UIMC1: variants seen among roughly 807,000 people sequenced by gnomAD.
The protein encoded by UIMC1 is ubiquitin interaction motif containing 1.
In UIMC1, 42 loss-of-function variants were observed where a neutral mutation model predicts 84.9. The observed-to-expected ratio is 0.49, with a 90% CI of 0.39 to 0.64. The LOEUF is 0.64. Among genes scored for constraint, UIMC1 ranks in the 30% least tolerant of loss-of-function variants. The pLI is 0.00. For missense variants in UIMC1, 825 were observed against 847.6 expected, an observed-to-expected ratio of 0.97 and a Z score of 0.33; for synonymous variants, 281 against 293.0, an observed-to-expected ratio of 0.96 and a Z score of 0.42.
chr5:176,918,507 A>C (rs1293423645), intron 10 of UIMC1, among the ~76,000 whole-genome samples: 1 of 152,212 alleles, frequency 6.6e-6, no homozygotes, highest in Non-Finnish European at 1.5e-5. Flanking sequence ...GGGAGAAGTA[A>C]GCAAACAATG....
intron 13 of UIMC1, 96 bp from the exon 14 acceptor site, chr5:176,906,143 T>G: frequency 1.7e-6 from 2 of 1,177,786 alleles, no homozygotes; most frequent in Non-Finnish European, 1.2e-6. Context: ...AGGCACTGCT[T>G]CTCATCAGGC....
chr5:176,975,437 T>G lies in UIMC1; in HGVS notation c.191A>C (p.Gln64Pro). 1 of 1,614,106 alleles carries G rather than the reference T, an allele frequency of 6.2e-7. No individual in the cohort carries two copies. Among genetic ancestry groups the G allele is most frequent in the Non-Finnish European group, 8.5e-7 (1 of 1,180,002 alleles). ...GGCCAAACACTTTGCTCTATTCGACTGTTTTGTCTTCGTTTTCTGCAACCC... is the reference window on the plus strand; with the variant it reads ...GGCCAAACACTTTGCTCTATTCGACGGTTTTGTCTTCGTTTTCTGCAACCC... Reference protein sequence around the residue: ...ENGLQKTKTKQSNRAKCLAKR... With the variant: ...ENGLQKTKTKPSNRAKCLAKR... The change falls in exon 3 of 15, where the codon CAG (glutamine) becomes CCG (proline). Residue 64 changes from glutamine to proline, a missense_variant. Transcript: ENST00000511320.
At chr5:176,906,111 T>G (rs1759331644) in intron 13 of UIMC1, 64 bp from the exon 14 acceptor site, 3 of 1,531,462 alleles carry the variant, frequency 2.0e-6, no homozygotes, top group Non-Finnish European at 2.7e-6. Context: ...CACTTCTCAC[T>G]GATCTTTTGC....
intron 6 of UIMC1, among the ~76,000 whole-genome samples, chr5:176,962,054 G>A (rs1416305042): frequency 8.2e-5 from 2 of 24,282 alleles, no homozygotes; most frequent in Admixed American, 2.4e-4. Flanking sequence ...GCCTCTGCCC[G>A]GCCGCCCCTA....
In UIMC1 at chr5:176,993,845, T is replaced by C. The variant is rs144671769; in HGVS notation, c.-8-11222A>G. Among the ~76,000 whole-genome samples, 1,423 of 151,666 alleles carry C rather than the reference T, an allele frequency of 9.4e-3. 29 individuals carry two copies. The highest frequency in any genetic ancestry group is 0.033 in the African/African-American group (1,362 of 41,358). On this transcript the variant is annotated intron_variant, in intron 1 of 14. Transcript: ENST00000511320. The stretch of plus-strand genomic sequence containing the variant: ...CAACATGGTGAAACCCCGTCTCTAC[T>C]AAAAATACAAAAATTAGCTGGGAAT...
intron 10 of UIMC1, among the ~76,000 whole-genome samples, chr5:176,914,269 T>C (rs1203160616): frequency 6.6e-6 from 1 of 152,186 alleles, no homozygotes; most frequent in Non-Finnish European, 1.5e-5. Context: ...CTGATGTTAT[T>C]AGCTCTCCTT....
At chr5:176,907,243 C>T (rs1262086546) in intron 12 of UIMC1, 66 bp from the exon 13 acceptor site, 5 of 1,442,800 alleles carry the variant, frequency 3.5e-6, no homozygotes, top group Non-Finnish European at 4.8e-6. Context: ...ACTTCCACAG[C>T]CCAGATCACA....
At chr5:176,947,322 T>C (rs1490870591) in intron 9 of UIMC1, among the ~76,000 whole-genome samples, 1 of 152,148 alleles carries the variant, frequency 6.6e-6, no homozygotes, top group Non-Finnish European at 1.5e-5. Flanking sequence ...CAGTCAGGGA[T>C]TTCTTTGCAG....
chr5:176,997,890 TG>T (rs1429117972), intron 1 of UIMC1, among the ~76,000 whole-genome samples: 3 of 152,248 alleles, frequency 2.0e-5, no homozygotes, highest in African/African-American at 7.2e-5. Context: ...TTCTTATGAA[TG>T]GAAGATTCCC....
At chr5:176,961,958 C>CT (rs1767527232) in intron 6 of UIMC1, among the ~76,000 whole-genome samples, 3 of 62,132 alleles carry the variant, frequency 4.8e-5, no homozygotes, top group Admixed American at 1.2e-4. Flanking sequence ...GTCGGCCCCC[C>CT]GCCCGGCCAG....
intron 1 of UIMC1, among the ~76,000 whole-genome samples, chr5:176,996,348 C>A (rs1277927352): frequency 6.6e-6 from 1 of 152,104 alleles, no homozygotes; most frequent in African/African-American, 2.4e-5. Flanking sequence ...TGTTCTCTAT[C>A]TTGATTGTGG....
Position 176,997,436 on chromosome 5 carries a change from G to A in UIMC1, c.-9+9214C>T, listed in dbSNP as rs944645011. ...CACGGTGGCTCACACCTGTAATCCC[G>A]CACTCTGGGAGGCCGAGGCAGGCGG... On this transcript the variant is annotated intron_variant, in intron 1 of 14. Transcript: ENST00000511320. Among the ~76,000 whole-genome samples the A allele has an allele frequency of 1.4e-4, 21 of 152,048 alleles. No individual in the cohort carries two copies. The Middle Eastern group carries it at 0.02, about 148-fold the overall frequency.
intron 10 of UIMC1, among the ~76,000 whole-genome samples, chr5:176,936,590 C>A (rs1040958213): frequency 6.6e-6 from 1 of 152,196 alleles, no homozygotes; most frequent in Non-Finnish European, 1.5e-5. Context: ...ACCCTGTGCT[C>A]TGTCCATCTG....
chr5:177,013,080 C>CAA (rs35280210), intron 1 of UIMC1, among the ~76,000 whole-genome samples: 10 of 131,622 alleles, frequency 7.6e-5, no homozygotes, highest in South Asian at 2.4e-4. Flanking sequence ...GATCTTGTAT[C>CAA]AAAAAAAAAA....
intron 10 of UIMC1, among the ~76,000 whole-genome samples, chr5:176,920,805 C>T (rs923202564): frequency 6.6e-6 from 1 of 152,168 alleles, no homozygotes; most frequent in Admixed American, 6.5e-5. Flanking sequence ...GCTAGAACCT[C>T]CTTTACCACG....
At chr5:176,953,293 T>G (rs1766125947) in intron 8 of UIMC1, among the ~76,000 whole-genome samples, 1 of 152,156 alleles carries the variant, frequency 6.6e-6, no homozygotes, top group South Asian at 2.1e-4. Flanking sequence ...GCAAATCCAG[T>G]AAGTTCTCTG....
At chr5:176,978,344 G>A (rs1770478372) in intron 2 of UIMC1, among the ~76,000 whole-genome samples, 1 of 152,128 alleles carries the variant, frequency 6.6e-6, no homozygotes, top group African/African-American at 2.4e-5. Flanking sequence ...CCGCACTCCA[G>A]CCTGGGCGAC....
intron 1 of UIMC1, among the ~76,000 whole-genome samples, chr5:177,000,084 G>A (rs1452056006): frequency 2.0e-5 from 3 of 152,090 alleles, no homozygotes; most frequent in South Asian, 2.1e-4. Context: ...TCAGCCTCCC[G>A]AGTAGCTGGG....
At chr5:176,923,874 A>T (rs11135007) in intron 10 of UIMC1, among the ~76,000 whole-genome samples, 32,968 of 146,190 alleles carry the variant, frequency 0.23, 3,976 homozygotes, top group African/African-American at 0.29. Context: ...AAAAAAAAAA[A>T]ATATATATAT....
Sources: allele counts gnomAD v4.1 joint callset (sites outside exome capture counted in the v4.1 genomes callset), GRCh38; gene constraint gnomAD v4.1.1; transcripts MANE v1.5; gene names NCBI Gene and HGNC (gene_info 2026-07-23, HGNC 2026-07-21).